LRP1B: variants seen among roughly 807,000 people sequenced by gnomAD.
LRP1B encodes LDL receptor related protein 1B.
LRP1B carries 217 observed loss-of-function variants against 556.6 expected under a neutral mutation model. That is an observed-to-expected ratio of 0.39 (90% CI 0.35 to 0.44). The LOEUF (loss-of-function observed/expected upper bound fraction) is 0.44, where lower values mean the gene tolerates loss of function less well. Among genes scored for constraint, LRP1B ranks in the 20% least tolerant of loss-of-function variants. LRP1B has a pLI of 1.00. For missense variants in LRP1B, 5,053 were observed against 5,620.8 expected, an observed-to-expected ratio of 0.90 and a Z score of 3.23; for synonymous variants, 2,047 against 1,865.8, an observed-to-expected ratio of 1.10 and a Z score of -2.50.
At chr2:141,076,754 A>T (rs1426808658) in intron 7 of LRP1B, among the ~76,000 whole-genome samples, 1 of 152,184 alleles carries the variant, frequency 6.6e-6, no homozygotes, top group Non-Finnish European at 1.5e-5. Context: ...TTCTGAGACT[A>T]CAACAGGGAA....
chr2:140,563,899 C>T (rs1681029673), intron 43 of LRP1B, among the ~76,000 whole-genome samples: 1 of 152,050 alleles, frequency 6.6e-6, no homozygotes, highest in South Asian at 2.1e-4. Flanking sequence ...GGACAGAAGC[C>T]TAAGGTCTGT....
chr2:141,942,937 A>G (rs1239139163), intron 1 of LRP1B, among the ~76,000 whole-genome samples: 1 of 152,238 alleles, frequency 6.6e-6, no homozygotes, highest in African/African-American at 2.4e-5. Flanking sequence ...AAGATGTCTT[A>G]GAATTGCTCT....
intron 2 of LRP1B, among the ~76,000 whole-genome samples, chr2:141,760,073 A>G (rs1290893757): frequency 6.6e-6 from 1 of 152,180 alleles, no homozygotes; most frequent in Non-Finnish European, 1.5e-5. Flanking sequence ...GGCAACATCT[A>G]TCACTACTTG....
intron 3 of LRP1B, among the ~76,000 whole-genome samples, chr2:141,407,501 C>G (rs1239317211): frequency 1.3e-5 from 2 of 152,124 alleles, no homozygotes; most frequent in Non-Finnish European, 2.9e-5. Context: ...GTGTTTGGAT[C>G]ATACAGGCGG....
chr2:140,691,066 C>CA (rs550140515), intron 41 of LRP1B, among the ~76,000 whole-genome samples: 18 of 151,868 alleles, frequency 1.2e-4, no homozygotes, highest in African/African-American at 4.3e-4. Context: ...CTTTTTAAGA[C>CA]AAAAAAAGAA....
intron 3 of LRP1B, among the ~76,000 whole-genome samples, chr2:141,324,445 T>C (rs181972978): frequency 1.1e-4 from 16 of 152,298 alleles, no homozygotes; most frequent in African/African-American, 3.8e-4. Flanking sequence ...ATTTCCCAGA[T>C]AATTAACCGT....
chr2:141,178,677 T>C (rs1680851186), intron 7 of LRP1B, among the ~76,000 whole-genome samples: 2 of 152,266 alleles, frequency 1.3e-5, no homozygotes, highest in African/African-American at 4.8e-5. Flanking sequence ...AGTATGATGC[T>C]GTCATGGGCA....
At chr2:140,337,017 C>A (rs537015267) in intron 77 of LRP1B, among the ~76,000 whole-genome samples, 1 of 151,818 alleles carries the variant, frequency 6.6e-6, no homozygotes, top group Non-Finnish European at 1.5e-5. Context: ...GAGTTTTTAA[C>A]ACATGAAGTC....
At chr2:141,037,737 A>T (rs1574006691) in intron 11 of LRP1B, among the ~76,000 whole-genome samples, 1 of 151,986 alleles carries the variant, frequency 6.6e-6, no homozygotes, top group African/African-American at 2.4e-5. Flanking sequence ...TCAAACAATA[A>T]GAGAATGGAC....
intron 41 of LRP1B, among the ~76,000 whole-genome samples, chr2:140,620,882 A>C (rs1226994946): frequency 6.6e-6 from 1 of 152,132 alleles, no homozygotes; most frequent in Non-Finnish European, 1.5e-5. Flanking sequence ...AATTAACATG[A>C]AGTTAACATA....
At chr2:141,871,143 G>A (rs934976003) in intron 1 of LRP1B, among the ~76,000 whole-genome samples, 2 of 152,016 alleles carry the variant, frequency 1.3e-5, no homozygotes, top group Admixed American at 6.6e-5. Flanking sequence ...CCACCTTAAA[G>A]TTTGACATTC....
intron 20 of LRP1B, among the ~76,000 whole-genome samples, chr2:140,927,606 CATTT>C (rs76152979): frequency 0.037 from 5,526 of 151,120 alleles, 151 homozygotes; most frequent in South Asian, 0.093. Context: ...TAAAATTTAT[CATTT>C]ATTTTATGCT....
intron 11 of LRP1B, among the ~76,000 whole-genome samples, chr2:141,029,615 G>C (rs769718037): frequency 2.6e-5 from 4 of 152,080 alleles, no homozygotes; most frequent in Non-Finnish European, 5.9e-5. Flanking sequence ...ATCCGCAGCT[G>C]TGGCACAACT....
intron 1 of LRP1B, among the ~76,000 whole-genome samples, chr2:142,027,029 A>G (rs1212426928): frequency 6.6e-6 from 1 of 152,052 alleles, no homozygotes; most frequent in African/African-American, 2.4e-5. Flanking sequence ...TGTAGCAGCT[A>G]GAAAAGATTT....
In LRP1B at chr2:141,792,864, C is replaced by T. The variant is rs190100840; in HGVS notation, c.205+17415G>A. Among the ~76,000 whole-genome samples, 13 of 151,864 alleles carry T rather than the reference C, an allele frequency of 8.6e-5. No individual in the cohort carries two copies. The East Asian group carries it at 1.2e-3, about 14-fold the overall frequency. ...AAATAGTTCAAGACAAATAGATCAT[C>T]AATTATTCCAAAGATTAAGAAAAAT... On this transcript the variant is annotated intron_variant, in intron 2 of 90. Transcript: ENST00000389484.
chr2:141,613,836 G>A (rs10432348), intron 2 of LRP1B, among the ~76,000 whole-genome samples: 97,025 of 151,834 alleles, frequency 0.64, 33,574 homozygotes, highest in Non-Finnish European at 0.77. Flanking sequence ...ACTTTGGGAG[G>A]CCAAGGCAGG....
chr2:140,684,223 G>A (rs1275054998), intron 41 of LRP1B, among the ~76,000 whole-genome samples: 1 of 152,156 alleles, frequency 6.6e-6, no homozygotes, highest in Non-Finnish European at 1.5e-5. Context: ...CCATCTGGGT[G>A]AAAAATTACT....
intron 1 of LRP1B, among the ~76,000 whole-genome samples, chr2:142,111,286 T>G (rs1329835301): frequency 6.6e-6 from 1 of 152,052 alleles, no homozygotes; most frequent in Non-Finnish European, 1.5e-5. Flanking sequence ...TCAGGGAGAT[T>G]GTGTATCATG....
chr2:141,623,055 G>C (rs1232953909), intron 2 of LRP1B, among the ~76,000 whole-genome samples: 9 of 152,176 alleles, frequency 5.9e-5, no homozygotes, highest in Non-Finnish European at 1.2e-4. Context: ...GGCAAGTCCA[G>C]CTGGAATTGG....
Sources: allele counts gnomAD v4.1 joint callset (sites outside exome capture counted in the v4.1 genomes callset), GRCh38; gene constraint gnomAD v4.1.1; transcripts MANE v1.5; gene names NCBI Gene and HGNC (gene_info 2026-07-23, HGNC 2026-07-21).